ARHGAP25: variants seen among roughly 807,000 people sequenced by gnomAD.
The protein encoded by ARHGAP25 is rho GTPase-activating protein 25.
In ARHGAP25, 34 loss-of-function variants were observed where a neutral mutation model predicts 71.0. The observed-to-expected ratio is 0.48, with a 90% CI of 0.36 to 0.64. ARHGAP25 has a LOEUF of 0.64. Among genes scored for constraint, ARHGAP25 ranks in the 30% least tolerant of loss-of-function variants. The pLI is 0.00. For missense variants in ARHGAP25, 706 were observed against 805.1 expected (o/e 0.88, Z 1.49); for synonymous variants, 282 against 296.5 (o/e 0.95, Z 0.50).
chr2:68,821,085 T>C (rs904631341), intron 9 of ARHGAP25, among the ~76,000 whole-genome samples: 1 of 133,782 alleles, frequency 7.5e-6, no homozygotes, highest in Non-Finnish European at 1.6e-5. Context: ...TTCTTTTCTT[T>C]TTCTTTCTTT....
chr2:68,773,047 G>T (rs892342383), intron 1 of ARHGAP25, among the ~76,000 whole-genome samples: 1 of 152,202 alleles, frequency 6.6e-6, no homozygotes, highest in Non-Finnish European at 1.5e-5. Context: ...TGGGAGGTAA[G>T]AAGTGACTGC....
At chr2:68,751,332 A>G (rs1012510176) in intron 1 of ARHGAP25, among the ~76,000 whole-genome samples, 2 of 152,218 alleles carry the variant, frequency 1.3e-5, no homozygotes, top group African/African-American at 4.8e-5. Flanking sequence ...AGGAAGGGCC[A>G]GGAAAAACTC....
intron 4 of ARHGAP25, among the ~76,000 whole-genome samples, chr2:68,791,153 C>T (rs1243555135): frequency 1.3e-5 from 2 of 152,192 alleles, no homozygotes; most frequent in Non-Finnish European, 2.9e-5. Flanking sequence ...CTTCCTTACC[C>T]CTCAGTTCTG....
At chr2:68,818,403 C>T (rs1348734778) in intron 8 of ARHGAP25, among the ~76,000 whole-genome samples, 1 of 152,246 alleles carries the variant, frequency 6.6e-6, no homozygotes, top group Non-Finnish European at 1.5e-5. Flanking sequence ...ACTTAGCTCA[C>T]TGTAATCTCT....
rs369060310 is a variant in ARHGAP25 at position 68,791,316 on chromosome 2, A to G, written c.466+3360A>G. Among the ~76,000 whole-genome samples, 9 of 152,344 alleles carry G rather than the reference A, an allele frequency of 5.9e-5. No individual in the cohort carries two copies. In the South Asian group the frequency reaches 1.9e-3, roughly 32 times the overall value. On this transcript the variant is annotated intron_variant, in intron 4 of 10. Transcript: ENST00000409202. ...TCTTTTTTGTGCAGTACCATATCCTAGAATCTAAACAGTGCTCAATAAAGA... is the reference window on the plus strand; with the variant it reads ...TCTTTTTTGTGCAGTACCATATCCTGGAATCTAAACAGTGCTCAATAAAGA...
chr2:68,719,062 C>T (rs1361768915), intron 2 of ARHGAP25, among the ~76,000 whole-genome samples: 3 of 152,134 alleles, frequency 2.0e-5, no homozygotes, highest in African/African-American at 7.2e-5. Context: ...AAGTGTGGTG[C>T]ACCCCAGCTC....
intron 1 of ARHGAP25, among the ~76,000 whole-genome samples, chr2:68,758,474 A>T (rs1392122572): frequency 3.3e-5 from 5 of 151,998 alleles, no homozygotes; most frequent in Admixed American, 3.3e-4. Context: ...ATATCAAAGA[A>T]AATGAACTTT....
At chr2:68,751,880 C>T (rs1222346781) in intron 1 of ARHGAP25, among the ~76,000 whole-genome samples, 5 of 152,170 alleles carry the variant, frequency 3.3e-5, no homozygotes, top group Non-Finnish European at 7.3e-5. Flanking sequence ...GGCCTGCTTC[C>T]TGTTCATTGC....
chr2:68,821,092 C>CTTTTTTTTTTTTTTTTTTTTTT (rs34119311), intron 9 of ARHGAP25, among the ~76,000 whole-genome samples: 3 of 99,452 alleles, frequency 3.0e-5, no homozygotes, highest in African/African-American at 4.1e-5. Context: ...CTTTTTCTTT[C>CTTTTTTTTTTTTTTTTTTTTTT]TTTTTTTTTT....
intron 1 of ARHGAP25, among the ~76,000 whole-genome samples, chr2:68,739,536 G>T (rs1286900739): frequency 2.6e-5 from 4 of 152,194 alleles, no homozygotes; most frequent in Non-Finnish European, 4.4e-5. Context: ...TGATGAAAAT[G>T]GTCCTATCAC....
At chr2:68,764,743 T>G (rs1362082283) in intron 1 of ARHGAP25, among the ~76,000 whole-genome samples, 1 of 152,170 alleles carries the variant, frequency 6.6e-6, no homozygotes, top group Non-Finnish European at 1.5e-5. Flanking sequence ...CTAGGTGTTG[T>G]TAGTGCAGGA....
At chr2:68,727,830 A>G (rs1430320768) in intron 2 of ARHGAP25, among the ~76,000 whole-genome samples, 2 of 152,222 alleles carry the variant, frequency 1.3e-5, no homozygotes, top group Non-Finnish European at 2.9e-5. Context: ...CACAACCTGG[A>G]GAGCTCGATG....
At chr2:68,776,518 G>A (rs913007925) in intron 2 of ARHGAP25, among the ~76,000 whole-genome samples, 3 of 152,212 alleles carry the variant, frequency 2.0e-5, no homozygotes, top group African/African-American at 7.2e-5. Context: ...TACTTTGAAA[G>A]TAGAGCAAAC....
intron 2 of ARHGAP25, among the ~76,000 whole-genome samples, chr2:68,717,946 A>G (rs11678724): frequency 0.22 from 34,159 of 152,108 alleles, 4,197 homozygotes; most frequent in East Asian, 0.37. Context: ...TAAGTAACCC[A>G]CTTTATCATA....
Position 68,802,974 on chromosome 2 carries a change from CACAT to C in ARHGAP25, c.467-4297_467-4294del, listed in dbSNP as rs1283299440. Among the ~76,000 whole-genome samples the C allele has an allele frequency of 6.8e-5, 5 of 73,970 alleles. No individual in the cohort carries two copies. The East Asian group carries it at 2.5e-3, about 37-fold the overall frequency. The allele number at this position is 73,970 out of a possible 152,430, so 48.5% of individuals were successfully genotyped here. A position where few individuals can be genotyped will look rare whatever the true frequency, so the allele number is the denominator to read the frequency against. Reference sequence around the variant, plus strand: ...GTATATATATACACACACATATATACACATATATATACACACATATACATACATA... The same window carrying C: ...GTATATATATACACACACATATATACATATATACACACATATACATACATA... On this transcript the variant is annotated intron_variant, in intron 4 of 10. Coordinates refer to ENST00000409202, the MANE Select transcript of ARHGAP25 (RefSeq NM_001007231.3).
At chr2:68,754,201 A>G (rs866044832) in intron 1 of ARHGAP25, among the ~76,000 whole-genome samples, 7 of 152,164 alleles carry the variant, frequency 4.6e-5, no homozygotes, top group African/African-American at 1.7e-4. Flanking sequence ...CACCACAATC[A>G]AGAGTTCCAT....
Position 68,826,059 on chromosome 2 carries a change from G to T in ARHGAP25, c.1806G>T (p.Lys602Asn). 3 of 1,614,138 alleles carry T rather than the reference G, an allele frequency of 1.9e-6. No individual in the cohort carries two copies. The highest frequency in any genetic ancestry group is 2.5e-6 in the Non-Finnish European group (3 of 1,180,032). Residue 602 changes from lysine (K) to asparagine (N), a missense_variant, in exon 11 of 11, where the codon AAG (lysine) becomes AAT (asparagine). Transcript: ENST00000409202. ...RLNEELEKEK[K>N]KSAALEISLR... is the part of the protein sequence containing the mutation. The stretch of plus-strand genomic sequence containing the variant: ...ATGAAGAACTGGAGAAGGAAAAGAA[G>T]AAGTCTGCAGCCCTAGAGATCAGCC...
At chr2:68,760,996 A>C (rs2104342077) in intron 1 of ARHGAP25, among the ~76,000 whole-genome samples, 1 of 152,206 alleles carries the variant, frequency 6.6e-6, no homozygotes, top group South Asian at 2.1e-4. Context: ...TAGTAATGGC[A>C]TAAAGACAGA....
chr2:68,744,014 T>A (rs1294105010), intron 1 of ARHGAP25, among the ~76,000 whole-genome samples: 1 of 151,918 alleles, frequency 6.6e-6, no homozygotes, highest in African/African-American at 2.4e-5. Flanking sequence ...TCTTTCTTTT[T>A]AGTACTCATG....
Sources: allele counts gnomAD v4.1 joint callset (sites outside exome capture counted in the v4.1 genomes callset), GRCh38; gene constraint gnomAD v4.1.1; transcripts MANE v1.5; gene names NCBI Gene and HGNC (gene_info 2026-07-23, HGNC 2026-07-21).